NELL1: variants seen among roughly 807,000 people sequenced by gnomAD.
NELL1 encodes neural EGFL like 1.
Under a neutral mutation model 107.4 loss-of-function variants are expected in NELL1, and 76 were observed. The observed-to-expected ratio is 0.71, with a 90% confidence interval of 0.59 to 0.86. The LOEUF is 0.86. Among genes scored for constraint, NELL1 ranks in the 40% least tolerant of loss-of-function variants. The pLI is 0.00. For missense variants in NELL1, 1,024 were observed against 1,005.5 expected (o/e 1.02, Z -0.25); for synonymous variants, 353 against 341.2 (o/e 1.03, Z -0.38).
At chr11:21,559,536 A>T (rs1856802426) in intron 16 of NELL1, among the ~76,000 whole-genome samples, 1 of 152,114 alleles carries the variant, frequency 6.6e-6, no homozygotes, top group Non-Finnish European at 1.5e-5. Context: ...GTCTTTCATC[A>T]GCATCCATCC....
chr11:21,029,495 A>G (rs764986214), intron 12 of NELL1, among the ~76,000 whole-genome samples: 1 of 152,064 alleles, frequency 6.6e-6, no homozygotes, highest in Non-Finnish European at 1.5e-5. Flanking sequence ...CACCACCACC[A>G]CCACCGTCAC....
At chr11:21,566,733 A>G (rs1302454279) in intron 17 of NELL1, among the ~76,000 whole-genome samples, 1 of 151,808 alleles carries the variant, frequency 6.6e-6, no homozygotes. Flanking sequence ...CTCTCCCCAA[A>G]TTTAGTTTCT....
rs371799980 is a variant in NELL1, at chr11:21,386,741, T to C, written c.1645+15793T>C. Among the ~76,000 whole-genome samples, 269 of 152,046 alleles carry C rather than the reference T, an allele frequency of 1.8e-3. 9 individuals carry two copies. In the South Asian group the frequency reaches 0.053, roughly 30 times the overall value. ...AGCTATGTGGAAATACTGCATTCAC[T>C]TGTATGTTCTCCATAAATTCTATGC... is the stretch of plus-strand genomic sequence containing the variant. On this transcript the variant is annotated intron_variant, in intron 15 of 19. Coordinates refer to ENST00000357134, the MANE Select transcript of NELL1 (RefSeq NM_006157.5).
At chr11:21,254,357 T>C (rs1002033072) in intron 14 of NELL1, among the ~76,000 whole-genome samples, 4 of 152,004 alleles carry the variant, frequency 2.6e-5, no homozygotes, top group African/African-American at 9.7e-5. Context: ...AGAAATTACA[T>C]TATGGAAATT....
chr11:21,363,467 A>G (rs1234834282), intron 14 of NELL1, among the ~76,000 whole-genome samples: 2 of 152,042 alleles, frequency 1.3e-5, no homozygotes, highest in Non-Finnish European at 2.9e-5. Context: ...GTTTCACAGA[A>G]TTTGCTTCTT....
At chr11:21,062,792 A>G (rs551941690) in intron 12 of NELL1, among the ~76,000 whole-genome samples, 12 of 152,056 alleles carry the variant, frequency 7.9e-5, no homozygotes, top group African/African-American at 2.2e-4. Flanking sequence ...AGTTATGATT[A>G]TAGTTTTCCT....
At chr11:21,363,701 A>G (rs757626356) in intron 14 of NELL1, among the ~76,000 whole-genome samples, 15 of 152,212 alleles carry the variant, frequency 9.9e-5, no homozygotes, top group Admixed American at 3.9e-4. Flanking sequence ...TATAGTTACT[A>G]TAAGACTATC....
chr11:21,373,089 T>C (rs1475073025), intron 15 of NELL1, among the ~76,000 whole-genome samples: 2 of 151,982 alleles, frequency 1.3e-5, no homozygotes, highest in African/African-American at 2.4e-5. Context: ...AGGGAAAAAA[T>C]ACAATAAAAC....
intron 12 of NELL1, among the ~76,000 whole-genome samples, chr11:20,997,671 C>T (rs7939255): frequency 0.12 from 17,548 of 152,128 alleles, 3,223 homozygotes; most frequent in African/African-American, 0.39. Context: ...TAAAATTATT[C>T]CCACGTAGAA....
At chr11:20,935,819 G>A (rs1291742732) in intron 9 of NELL1, 1 of 152,422 alleles carries the variant, frequency 6.6e-6, no homozygotes, top group Non-Finnish European at 1.5e-5. Context: ...TTAAGAAGGG[G>A]ACATTGATAG....
At position 21,573,309 on chromosome 11, in the gene NELL1, A is replaced by G. The variant is rs1035036520; in HGVS notation, c.2282A>G (p.Tyr761Cys). The part of the protein sequence containing the change: ...SDPCLADNIT[Y>C]DIRKTCLDSY... Reference sequence around the variant, plus strand: ...CCCTGCCTAGCTGATAACATCACCTATGACATCAGAAAAACTTGCCTGGAC... The same window carrying G: ...CCCTGCCTAGCTGATAACATCACCTGTGACATCAGAAAAACTTGCCTGGAC... The change falls in exon 19 of 20, where the codon TAT becomes TGT. Residue 761 changes from tyrosine to cysteine, a missense_variant. Tyr to Cys is a radical substitution (Grantham distance 194). Transcript: ENST00000357134. The G allele has an allele frequency of 5.0e-6, 8 of 1,612,584 alleles. No homozygotes were observed. The highest frequency in any genetic ancestry group is 1.7e-5 in the Admixed American group (1 of 59,886).
chr11:21,522,840 T>G (rs978909135), intron 15 of NELL1, among the ~76,000 whole-genome samples: 1 of 122,782 alleles, frequency 8.1e-6, no homozygotes, highest in Admixed American at 7.9e-5. Context: ...TTTTCTTTTT[T>G]TTTTTTTTTT....
At chr11:21,526,151 A>G (rs1011134120) in intron 15 of NELL1, among the ~76,000 whole-genome samples, 1 of 152,158 alleles carries the variant, frequency 6.6e-6, no homozygotes, top group Non-Finnish European at 1.5e-5. Flanking sequence ...TAAATACACT[A>G]ATGTGGGAGA....
chr11:20,805,791 C>T (rs112066744), intron 3 of NELL1, among the ~76,000 whole-genome samples: 2,106 of 152,308 alleles, frequency 0.014, 59 homozygotes, highest in African/African-American at 0.048. Context: ...CGTGAGCCAC[C>T]GTGCCTGGCC....
At chr11:21,330,359 G>T (rs566929341) in intron 14 of NELL1, among the ~76,000 whole-genome samples, 1 of 152,096 alleles carries the variant, frequency 6.6e-6, no homozygotes, top group South Asian at 2.1e-4. Flanking sequence ...TCCATTTGGG[G>T]GTCAGTTGGT....
chr11:21,539,612 C>A (rs1374535216), intron 16 of NELL1, among the ~76,000 whole-genome samples: 3 of 151,432 alleles, frequency 2.0e-5, no homozygotes, highest in African/African-American at 7.3e-5. Flanking sequence ...GTGTCCCCAG[C>A]CAAACTCCTC....
At chr11:21,013,471 C>T (rs1852495272) in intron 12 of NELL1, among the ~76,000 whole-genome samples, 2 of 152,072 alleles carry the variant, frequency 1.3e-5, no homozygotes, top group South Asian at 4.1e-4. Context: ...ACAAGGCATC[C>T]AAGGAAGTAA....
Position 21,575,202 on chromosome 11 carries a change from ATTCTTGCTAACCTAGTC to A in NELL1, c.*182_*198del. On this transcript the variant is annotated 3_prime_UTR_variant, in exon 20 of 20. Transcript: ENST00000357134. ...GCCTTTTGGACCTACCACTTTGCTCATTCTTGCTAACCTAGTCTAGGTGACCTACAGTGCCGTGCATT... is the reference window on the plus strand; with the variant it reads ...GCCTTTTGGACCTACCACTTTGCTCATAGGTGACCTACAGTGCCGTGCATT... 2 of 597,662 alleles carry A rather than the reference ATTCTTGCTAACCTAGTC, an allele frequency of 3.3e-6. No homozygotes were observed. Among genetic ancestry groups the A allele is most frequent in the Non-Finnish European group, 6.0e-6 (2 of 331,972 alleles). The allele number at this position is 597,662 out of a possible 1,614,324, so 37.0% of individuals were successfully genotyped here. A position where few individuals can be genotyped will look rare whatever the true frequency, so the allele number is the denominator to read the frequency against.
intron 13 of NELL1, among the ~76,000 whole-genome samples, chr11:21,209,157 A>G (rs1857447634): frequency 6.6e-6 from 1 of 152,018 alleles, no homozygotes. Context: ...TGACTTAGAA[A>G]AATGCTGTTT....
Sources: allele counts gnomAD v4.1 joint callset (sites outside exome capture counted in the v4.1 genomes callset), GRCh38; gene constraint gnomAD v4.1.1; transcripts MANE v1.5; gene names NCBI Gene and HGNC (gene_info 2026-07-23, HGNC 2026-07-21).